The following ALKBH8 variants were observed in gnomAD, a reference collection of about 807,000 sequenced individuals.
ALKBH8 encodes alkB homolog 8, tRNA methyltransferase.
A neutral mutation model predicts 59.8 loss-of-function variants in ALKBH8; 36 were observed. The ratio of observed to expected loss-of-function variants is 0.60; its 90% CI spans 0.46 to 0.79. ALKBH8 has a LOEUF of 0.79. ALKBH8 is among the 30% of genes least tolerant of loss of function. ALKBH8 has a pLI of 0.00. For missense variants in ALKBH8, 768 were observed against 801.0 expected, an observed-to-expected ratio of 0.96 and a Z score of 0.50; for synonymous variants, 276 against 273.6, an observed-to-expected ratio of 1.01 and a Z score of -0.09.
chr11:107,558,866 T>C (rs1390953502), intron 2 of ALKBH8, among the ~76,000 whole-genome samples: 1 of 152,216 alleles, frequency 6.6e-6, no homozygotes, highest in East Asian at 1.9e-4. Context: ...ATCATTGCTC[T>C]AGAAAAATCT....
chr11:107,539,415 C>T (rs538920827), intron 7 of ALKBH8, among the ~76,000 whole-genome samples: 1 of 152,116 alleles, frequency 6.6e-6, no homozygotes, highest in Non-Finnish European at 1.5e-5. Flanking sequence ...GCCTGGCCAA[C>T]ATGGTGAAAC....
chr11:107,538,146 A>G (rs1487428540), intron 7 of ALKBH8, among the ~76,000 whole-genome samples: 1 of 151,936 alleles, frequency 6.6e-6, no homozygotes, highest in African/African-American at 2.4e-5. Flanking sequence ...ATTTTATTAC[A>G]GATTTTCTGT....
intron 11 of ALKBH8, among the ~76,000 whole-genome samples, chr11:107,509,303 A>T (rs1443866935): frequency 6.6e-6 from 1 of 152,030 alleles, no homozygotes; most frequent in Non-Finnish European, 1.5e-5. Context: ...CCATTTGTAT[A>T]TCTTCTTTGG....
intron 8 of ALKBH8, among the ~76,000 whole-genome samples, chr11:107,526,168 G>A (rs570805851): frequency 6.6e-6 from 1 of 152,008 alleles, no homozygotes; most frequent in East Asian, 1.9e-4. Flanking sequence ...TGAAATTGGT[G>A]GGTCATAAGG....
intron 6 of ALKBH8, among the ~76,000 whole-genome samples, chr11:107,551,270 G>T (rs1185227280): frequency 6.6e-6 from 1 of 152,224 alleles, no homozygotes; most frequent in South Asian, 2.1e-4. Context: ...ACAGTGATTT[G>T]TATCAGTGTG....
At chr11:107,513,998 A>C (rs1862749665) in intron 10 of ALKBH8, among the ~76,000 whole-genome samples, 1 of 152,140 alleles carries the variant, frequency 6.6e-6, no homozygotes, top group African/African-American at 2.4e-5. Context: ...TGTGACATAC[A>C]ATTTACCTAT....
intron 11 of ALKBH8, among the ~76,000 whole-genome samples, chr11:107,508,607 C>T (rs1210519646): frequency 6.6e-6 from 1 of 152,138 alleles, no homozygotes; most frequent in East Asian, 1.9e-4. Context: ...TATCCATCTC[C>T]AGAATTTTTT....
At chr11:107,553,054 C>A in intron 5 of ALKBH8, 54 bp downstream of exon 5, 1 of 1,085,514 alleles carries the variant, frequency 9.2e-7, no homozygotes, top group Non-Finnish European at 1.3e-6. Context: ...TCATATTCTA[C>A]TAATATATTA....
intron 7 of ALKBH8, among the ~76,000 whole-genome samples, chr11:107,536,315 A>G (rs1014951308): frequency 3.3e-5 from 5 of 152,206 alleles, no homozygotes; most frequent in Non-Finnish European, 7.3e-5. Flanking sequence ...TAACTTGTCT[A>G]AAGTAACACA....
chr11:107,510,797 G>T, intron 11 of ALKBH8, 90 bp downstream of exon 11: 2 of 1,358,820 alleles, frequency 1.5e-6, no homozygotes, highest in South Asian at 1.4e-5. Context: ...GAACTGAAAA[G>T]CTAAAACAGG....
intron 10 of ALKBH8, among the ~76,000 whole-genome samples, chr11:107,517,214 T>C (rs1862898794): frequency 1.3e-5 from 2 of 151,954 alleles, no homozygotes; most frequent in African/African-American, 2.4e-5. Flanking sequence ...AACAATGAGA[T>C]TTTACCTCAC....
At chr11:107,542,109 AAAAAGGT>A (rs1864060852) in intron 7 of ALKBH8, among the ~76,000 whole-genome samples, 1 of 152,110 alleles carries the variant, frequency 6.6e-6, no homozygotes, top group Non-Finnish European at 1.5e-5. Flanking sequence ...AAAATGTAGA[AAAAAGGT>A]AAATGAAGAA....
At chr11:107,549,320 C>T (rs1864399910) in intron 7 of ALKBH8, among the ~76,000 whole-genome samples, 2 of 152,192 alleles carry the variant, frequency 1.3e-5, no homozygotes, top group African/African-American at 4.8e-5. Flanking sequence ...CCCTCTACTT[C>T]TCAGAGTTTT....
In ALKBH8 at chr11:107,553,096, G is replaced by T. The variant is rs199600853; in HGVS notation, c.595+12C>A. The T allele has an allele frequency of 5.9e-4, 887 of 1,515,094 alleles. 8 individuals are homozygous for T. The African/African-American group carries it at 0.011, about 19-fold the overall frequency. 93.9% of individuals were successfully genotyped at this position (1,515,094 alleles called of 1,614,324 possible). ...TTGAGCCAGAATTTATTATGTATTA[G>T]CAATTACTTACCCCCAGATAATGGC... On this transcript the variant is annotated intron_variant, in intron 5 of 11. Coordinates refer to ENST00000428149, the MANE Select transcript of ALKBH8 (RefSeq NM_138775.3).
At chr11:107,550,105 C>A (rs1362027814) in intron 6 of ALKBH8, among the ~76,000 whole-genome samples, 1 of 152,144 alleles carries the variant, frequency 6.6e-6, no homozygotes, top group African/African-American at 2.4e-5. Context: ...AATTCCAGCC[C>A]AAGAGGAAAA....
chr11:107,522,997 C>T (rs1168430607), intron 9 of ALKBH8, among the ~76,000 whole-genome samples: 3 of 151,994 alleles, frequency 2.0e-5, no homozygotes, highest in African/African-American at 7.2e-5. Flanking sequence ...GTTCAATCCC[C>T]TCTCGTATCA....
intron 1 of ALKBH8, among the ~76,000 whole-genome samples, chr11:107,561,539 T>C (rs529793307): frequency 6.6e-6 from 1 of 152,344 alleles, no homozygotes; most frequent in East Asian, 1.9e-4. Flanking sequence ...TTTACTATTT[T>C]AAAAACTGTA....
chr11:107,513,429 T>C (rs1862723535), intron 10 of ALKBH8, among the ~76,000 whole-genome samples: 1 of 152,120 alleles, frequency 6.6e-6, no homozygotes, highest in Non-Finnish European at 1.5e-5. Context: ...GAAAAGAGAA[T>C]TCTTATACAC....
rs1021587832 is a variant in ALKBH8, at chr11:107,565,552, A to C, written c.-7+49T>G. Reference sequence around the variant, plus strand: ...AAGACCGGAAGAGGCTGAAAAGAGGAAGCGGTGATTTGCTGCCCGTATGCC... The same window carrying C: ...AAGACCGGAAGAGGCTGAAAAGAGGCAGCGGTGATTTGCTGCCCGTATGCC... On this transcript the variant is annotated intron_variant, in intron 1 of 11. Coordinates refer to ENST00000428149, the MANE Select transcript of ALKBH8 (RefSeq NM_138775.3). 1.8e-5 allele frequency: 27 copies of C among 1,535,330 alleles called. No individual in the cohort carries two copies. In the Admixed American group the frequency reaches 5.1e-4, roughly 29 times the overall value.
Sources: gnomAD v4.1 joint callset for allele counts (sites outside exome capture counted in the v4.1 genomes callset) on GRCh38, gnomAD v4.1.1 for gene constraint, MANE v1.5 for transcripts, NCBI Gene and HGNC (gene_info 2026-07-23, HGNC 2026-07-21) for gene names.